Variants in CXADR observed in about 807,000 individuals in gnomAD.
CXADR encodes the protein coxsackievirus and adenovirus receptor.
Under a neutral mutation model 40.3 loss-of-function variants are expected in CXADR, and 20 were observed. The observed-to-expected ratio is 0.50, with a 90% confidence interval of 0.35 to 0.72. CXADR has a LOEUF of 0.72. CXADR is among the 30% of genes least tolerant of loss of function. The pLI is 0.01. For missense variants in CXADR, 332 were observed against 449.1 expected, an observed-to-expected ratio of 0.74 and a Z score of 2.36; for synonymous variants, 150 against 161.3, an observed-to-expected ratio of 0.93 and a Z score of 0.53.
Position 17,567,457 on chromosome 21 carries a change from C to G in CXADR, c.*1765C>G. On this transcript the variant is annotated 3_prime_UTR_variant, in exon 7 of 7. Transcript: ENST00000284878. ...ATTATGAATTTCTGGTGCCTATGAG[C>G]TAGCTATCACCTACCTGAAAGGTGC... 1 of 985,310 alleles carries G rather than the reference C, an allele frequency of 1.0e-6. No individual in the cohort carries two copies. The highest frequency in any genetic ancestry group is 1.2e-6 in the Non-Finnish European group (1 of 829,810). The allele number at this position is 985,310 out of a possible 1,614,324, so 61.0% of individuals were successfully genotyped here.
intron 7 of CXADR, among the ~76,000 whole-genome samples, chr21:17,589,292 A>G (rs1049063912): frequency 2.0e-5 from 3 of 152,116 alleles, no homozygotes; most frequent in Non-Finnish European, 4.4e-5. Flanking sequence ...TGTTTAATTC[A>G]GAAATACAAC....
chr21:17,531,709 GC>G (rs533452298), intron 1 of CXADR, among the ~76,000 whole-genome samples: 150 of 152,262 alleles, frequency 9.9e-4, no homozygotes, highest in African/African-American at 3.5e-3. Flanking sequence ...ACAAATTCTT[GC>G]AATTTCTTGT....
At chr21:17,629,321 A>T in the CXADR span, among the ~76,000 whole-genome samples, 2 of 149,608 alleles carry the variant, frequency 1.3e-5, no homozygotes, top group African/African-American at 5.0e-5. Flanking sequence ...CGGAGAGTGC[A>T]GTGAGCCAAG....
the CXADR span, chr21:17,609,289 G>C: frequency 1.2e-6 from 1 of 813,204 alleles, no homozygotes; most frequent in African/African-American, 1.7e-5. Flanking sequence ...GCTTATATCT[G>C]AAGTAGAGAA....
In CXADR at chr21:17,569,392, T is replaced by C; in HGVS notation, c.*3700T>C. The C allele has an allele frequency of 1.0e-5, 10 of 983,946 alleles. No homozygotes were observed. The highest frequency in any genetic ancestry group is 1.2e-5 in the Non-Finnish European group (10 of 828,982). The allele number at this position is 983,946 out of a possible 1,614,324, so 61.0% of individuals were successfully genotyped here. On this transcript the variant is annotated 3_prime_UTR_variant, in exon 7 of 7. Transcript: ENST00000284878. ...TATATATATATATGTACATATATCT[T>C]TATAACATTCCTGTGTTTAGTAGTG...
chr21:17,556,140 G>A (rs2061032017), intron 3 of CXADR, among the ~76,000 whole-genome samples: 1 of 152,248 alleles, frequency 6.6e-6, no homozygotes, highest in African/African-American at 2.4e-5. Flanking sequence ...ACAGCGGCCA[G>A]TATGTGGGAA....
chr21:17,602,001 G>A, the CXADR span, among the ~76,000 whole-genome samples: 1 of 152,188 alleles, frequency 6.6e-6, no homozygotes, highest in African/African-American at 2.4e-5. Context: ...ACAATGTGCA[G>A]TCGATATCTT....
At chr21:17,607,002 G>GT in the CXADR span, among the ~76,000 whole-genome samples, 1 of 152,032 alleles carries the variant, frequency 6.6e-6, no homozygotes, top group African/African-American at 2.4e-5. Flanking sequence ...CAAACATTTT[G>GT]TAAGAGAAAG....
At chr21:17,623,527 T>G in the CXADR span, among the ~76,000 whole-genome samples, 1 of 152,324 alleles carries the variant, frequency 6.6e-6, no homozygotes, top group East Asian at 1.9e-4. Context: ...CACCCCATGG[T>G]TTTGAGTACT....
the CXADR span, among the ~76,000 whole-genome samples, chr21:17,607,389 CAA>C: frequency 2.1e-5 from 3 of 145,626 alleles, no homozygotes; most frequent in African/African-American, 7.5e-5. Context: ...TGAAAATATG[CAA>C]AAAAAAAATT....
At chr21:17,561,265 T>G in intron 5 of CXADR, 73 bp from the exon 6 acceptor site, 1 of 879,626 alleles carries the variant, frequency 1.1e-6, no homozygotes, top group South Asian at 2.6e-5. Context: ...AATCTAAAAA[T>G]GTATAGCCTA....
At chr21:17,603,237 A>G in the CXADR span, among the ~76,000 whole-genome samples, 11 of 152,216 alleles carry the variant, frequency 7.2e-5, no homozygotes, top group Non-Finnish European at 2.9e-5. Flanking sequence ...TCAGTGGCCA[A>G]AGTTTTCCAA....
chr21:17,602,332 A>G, the CXADR span, among the ~76,000 whole-genome samples: 1 of 152,318 alleles, frequency 6.6e-6, no homozygotes, highest in Admixed American at 6.5e-5. Context: ...GTAAGTGAAG[A>G]CTATGAAGAA....
chr21:17,519,875 C>T (rs1407036353), intron 1 of CXADR, among the ~76,000 whole-genome samples: 1 of 152,056 alleles, frequency 6.6e-6, no homozygotes, highest in Non-Finnish European at 1.5e-5. Context: ...AGGAGAATTG[C>T]TTGAAGCTGG....
In CXADR at chr21:17,570,070, T is replaced by G; in HGVS notation, c.*4378T>G. The G allele has an allele frequency of 1.0e-6, 1 of 985,440 alleles. No homozygotes were observed. The highest frequency in any genetic ancestry group is 1.2e-6 in the Non-Finnish European group (1 of 829,930). The allele number at this position is 985,440 out of a possible 1,614,324, so 61.0% of individuals were successfully genotyped here. A position where few individuals can be genotyped will look rare whatever the true frequency, so the allele number is the denominator to read the frequency against. The stretch of plus-strand genomic sequence containing the variant: ...AACTTGCTCTAGTTTTGTGACCTTG[T>G]GTACTTTTGAAATAAAATCAAGAAA... On this transcript the variant is annotated 3_prime_UTR_variant, in exon 7 of 7. Transcript: ENST00000284878.
chr21:17,631,417 C>T, the CXADR span, among the ~76,000 whole-genome samples: 1 of 152,188 alleles, frequency 6.6e-6, no homozygotes, highest in Non-Finnish European at 1.5e-5. Context: ...CCAAGTATTT[C>T]AAAGTGTCAA....
chr21:17,591,333 A>T lies in CXADR; in HGVS notation c.1018-1819A>T, dbSNP rs1000882076. On this transcript the variant is annotated intron_variant, in intron 7 of 7. Coordinates refer to the CXADR transcript ENST00000400169. ...TTGTTGCCATGTAGTAATAAAAATT[A>T]AAAAAATTATTTACTATTATCTGTA... 3.9e-5 allele frequency among the ~76,000 whole-genome samples: 6 copies of T among 152,114 alleles called. 1 individual carries two copies. Among genetic ancestry groups the T allele is most frequent in the Admixed American group, 2.0e-4 (3 of 15,262 alleles).
downstream of CXADR, among the ~76,000 whole-genome samples, chr21:17,574,992 TACACAC>T (rs56727668): frequency 6.4e-4 from 95 of 148,654 alleles, no homozygotes; most frequent in Admixed American, 3.7e-3. Context: ...ATTACATATA[TACACAC>T]ACATACATAC....
chr21:17,535,536 A>C (rs535991787), intron 1 of CXADR, among the ~76,000 whole-genome samples: 1 of 152,192 alleles, frequency 6.6e-6, no homozygotes, highest in East Asian at 1.9e-4. Flanking sequence ...TATGATTCGA[A>C]TTCAGCATTC....
Sources: allele counts gnomAD v4.1 joint callset (sites outside exome capture counted in the v4.1 genomes callset), GRCh38; gene constraint gnomAD v4.1.1; transcripts MANE v1.5; gene names NCBI Gene and HGNC (gene_info 2026-07-23, HGNC 2026-07-21).